Variants in PLOD2 observed in about 807,000 individuals in gnomAD.
PLOD2 encodes procollagen-lysine,2-oxoglutarate 5-dioxygenase 2.
PLOD2 carries 65 observed loss-of-function variants against 101.0 expected under a neutral mutation model. The observed-to-expected ratio is 0.64, with a 90% CI of 0.53 to 0.79. PLOD2 has a LOEUF of 0.79. PLOD2 is among the 30% of genes least tolerant of loss of function. PLOD2 has a pLI of 0.00. For missense variants in PLOD2, 909 were observed against 914.6 expected (o/e 0.99, Z 0.08); for synonymous variants, 314 against 302.9 (o/e 1.04, Z -0.38).
At chr3:146,147,979 C>G (rs2031865787) in intron 1 of PLOD2, among the ~76,000 whole-genome samples, 1 of 152,026 alleles carries the variant, frequency 6.6e-6, no homozygotes, top group Admixed American at 6.6e-5. Flanking sequence ...AAGAAAGATT[C>G]TGATTTTTAA....
rs1200712215 is a variant in PLOD2, at chr3:146,136,856, T to C, written c.110-12627A>G. Among the ~76,000 whole-genome samples, 5 of 152,222 alleles carry C rather than the reference T, an allele frequency of 3.3e-5. No individual in the cohort carries two copies. In the East Asian group the frequency reaches 9.6e-4, roughly 29 times the overall value. ...TCTAGGTTTACATAGGTACACTCTA[T>C]GATGTTTCTACAATGACGAAATTGC... On this transcript the variant is annotated intron_variant, in intron 1 of 19. Transcript: ENST00000282903.
At chr3:146,088,424 A>T (rs1275231162) in intron 9 of PLOD2, among the ~76,000 whole-genome samples, 162 bp downstream of exon 9, 1 of 151,640 alleles carries the variant, frequency 6.6e-6, no homozygotes, top group Non-Finnish European at 1.5e-5. Context: ...GCTAGTCTCT[A>T]GAATCTAAAA....
chr3:146,116,203 T>C (rs1051117330), intron 3 of PLOD2, among the ~76,000 whole-genome samples: 27 of 151,794 alleles, frequency 1.8e-4, no homozygotes, highest in African/African-American at 6.0e-4. Flanking sequence ...ATACTATGGA[T>C]CCACTCCTAA....
chr3:146,087,651 A>G (rs978249535), intron 9 of PLOD2, among the ~76,000 whole-genome samples: 2 of 151,882 alleles, frequency 1.3e-5, no homozygotes, highest in East Asian at 3.8e-4. Context: ...TTATCACATA[A>G]AAGCAACATA....
chr3:146,076,636 G>A (rs1936348775), intron 15 of PLOD2, 146 bp downstream of exon 15: 2 of 566,176 alleles, frequency 3.5e-6, no homozygotes, highest in Non-Finnish European at 3.2e-6. Context: ...TGACTGGTGT[G>A]AGACAGTATC....
At chr3:146,094,321 A>G (rs1052306460) in intron 7 of PLOD2, among the ~76,000 whole-genome samples, 1 of 152,214 alleles carries the variant, frequency 6.6e-6, no homozygotes, top group Non-Finnish European at 1.5e-5. Context: ...CTCTATTTTT[A>G]TTACAAATCA....
intron 1 of PLOD2, among the ~76,000 whole-genome samples, chr3:146,154,455 TAATAATAAA>T (rs1475421623): frequency 4.1e-5 from 6 of 144,612 alleles, no homozygotes; most frequent in African/African-American, 1.5e-4. Flanking sequence ...GTGAGAAGAC[TAATAATAAA>T]AAAGAACAGC....
At chr3:146,076,928 G>A in intron 14 of PLOD2, 33 bp from the exon 15 acceptor site, 1 of 1,428,640 alleles carries the variant, frequency 7.0e-7, no homozygotes, top group Non-Finnish European at 9.8e-7. Context: ...ATTAATCTTA[G>A]AGGTAGGTAC....
At position 146,140,055 on chromosome 3, in the gene PLOD2, T is replaced by C. The variant is rs566762509; in HGVS notation, c.110-15826A>G. The stretch of plus-strand genomic sequence containing the variant: ...GATGCATATTTAAGGTAGATGTTCA[T>C]AAAATAGCTCTCTTTTGAACGCAAT... On this transcript the variant is annotated intron_variant, in intron 1 of 19. Coordinates refer to ENST00000282903, the MANE Select transcript of PLOD2 (RefSeq NM_182943.3). Among the ~76,000 whole-genome samples the C allele has an allele frequency of 3.9e-4, 59 of 152,216 alleles. 3 individuals are homozygous for C. The South Asian group carries it at 0.011, about 28-fold the overall frequency.
At position 146,069,506 on chromosome 3, in the gene PLOD2, G is replaced by A. The variant is rs886058061; in HGVS notation, c.*1211C>T. 15 of 151,702 alleles carry A rather than the reference G, an allele frequency of 9.9e-5. No individual in the cohort carries two copies. Among genetic ancestry groups the A allele is most frequent in the Middle Eastern group, 3.2e-3 (1 of 314 alleles). 9.4% of individuals were successfully genotyped at this position (151,702 alleles called of 1,614,324 possible). ...GTGTTAGAAAATGAATTTTGGCACCGTGATTAAGAATTTCTTTTCAAGTTT... is the reference window on the plus strand; with the variant it reads ...GTGTTAGAAAATGAATTTTGGCACCATGATTAAGAATTTCTTTTCAAGTTT... On this transcript the variant is annotated 3_prime_UTR_variant, in exon 20 of 20. Transcript: ENST00000282903.
chr3:146,083,231 G>T (rs1489781437), intron 11 of PLOD2, among the ~76,000 whole-genome samples: 2 of 152,160 alleles, frequency 1.3e-5, no homozygotes, highest in African/African-American at 4.8e-5. Flanking sequence ...TGGCAGCTGA[G>T]GAATGATTCA....
intron 15 of PLOD2, chr3:146,075,862 T>G (rs2107999806): frequency 6.6e-6 from 1 of 151,868 alleles, no homozygotes; most frequent in East Asian, 1.9e-4. Flanking sequence ...AAGTTATTGG[T>G]CAAGTTTAGA....
At chr3:146,078,235 T>C (rs950113234) in intron 13 of PLOD2, among the ~76,000 whole-genome samples, 2 of 151,848 alleles carry the variant, frequency 1.3e-5, no homozygotes, top group Non-Finnish European at 2.9e-5. Context: ...CATTCCATGA[T>C]GCGCTGTTGA....
intron 7 of PLOD2, among the ~76,000 whole-genome samples, chr3:146,096,039 G>C (rs1027453423): frequency 6.8e-6 from 1 of 147,374 alleles, no homozygotes; most frequent in Non-Finnish European, 1.5e-5. Context: ...GGCGCGCGCC[G>C]CCACGCCTGA....
At chr3:146,160,724 C>A (rs1406416777) in intron 1 of PLOD2, 157 bp downstream of exon 1, 2 of 608,052 alleles carry the variant, frequency 3.3e-6, no homozygotes, top group Admixed American at 2.6e-5. Context: ...CCAGCGCCGC[C>A]CGACCGCAAT....
chr3:146,141,324 C>T (rs1033149352), intron 1 of PLOD2, among the ~76,000 whole-genome samples: 13 of 152,088 alleles, frequency 8.5e-5, no homozygotes, highest in African/African-American at 3.1e-4. Flanking sequence ...AAACTGCATA[C>T]ATTCCCCAGA....
Position 146,086,891 on chromosome 3 carries a change from CT to C in PLOD2, c.1022del (p.Lys341ArgfsTer17). On this transcript the variant is annotated frameshift_variant, in exon 10 of 20. Coordinates refer to ENST00000282903, the MANE Select transcript of PLOD2 (RefSeq NM_182943.3). LOFTEE classifies it high-confidence loss of function. Reference sequence around the variant, plus strand: ...CTTTATCAAAAAATACCTTGATGTCCTTTTCATGATAAACTTCCTGTAACAT... The same window carrying C: ...CTTTATCAAAAAATACCTTGATGTCCTTTCATGATAAACTTCCTGTAACAT... Reference protein sequence around the residue: ...FIHNKEVYHEKDIKVFFDKAK... With the variant: ...FIHNKEVYHEXDIKVFFDKAK... 2 of 1,505,374 alleles carry C rather than the reference CT, an allele frequency of 1.3e-6. No individual in the cohort carries two copies. The highest frequency in any genetic ancestry group is 1.4e-5 in the African/African-American group (1 of 72,354). 93.3% of individuals were successfully genotyped at this position (1,505,374 alleles called of 1,614,324 possible). A position where few individuals can be genotyped will look rare whatever the true frequency, so the allele number is the denominator to read the frequency against.
chr3:146,077,690 C>G, intron 14 of PLOD2, 172 bp downstream of exon 14: 1 of 541,320 alleles, frequency 1.8e-6, no homozygotes, highest in South Asian at 2.7e-5. Context: ...GACTATCACA[C>G]AAGACCCATG....
chr3:146,104,022 C>T (rs187697113), intron 6 of PLOD2, among the ~76,000 whole-genome samples: 88 of 152,174 alleles, frequency 5.8e-4, no homozygotes, highest in African/African-American at 2.0e-3. Flanking sequence ...ATCTAAAATT[C>T]CCAAATGGTG....
Sources: gnomAD v4.1 joint callset for allele counts (sites outside exome capture counted in the v4.1 genomes callset) on GRCh38, gnomAD v4.1.1 for gene constraint, MANE v1.5 for transcripts, NCBI Gene and HGNC (gene_info 2026-07-23, HGNC 2026-07-21) for gene names.